Variants in PTGIR observed in about 807,000 individuals in gnomAD.
The protein encoded by PTGIR is prostacyclin receptor.
Under a neutral mutation model 17.6 loss-of-function variants are expected in PTGIR, and 16 were observed. The observed-to-expected ratio is 0.91, with a 90% CI of 0.61 to 1.38. The LOEUF (loss-of-function observed/expected upper bound fraction) is 1.38, where lower values mean the gene tolerates loss of function less well. PTGIR is among the 40% of genes most tolerant of loss of function. The pLI is 0.00. For missense variants in PTGIR, 532 were observed against 548.6 expected (o/e 0.97, Z 0.30); for synonymous variants, 274 against 255.4 (o/e 1.07, Z -0.69).
downstream of PTGIR, among the ~76,000 whole-genome samples, chr19:46,618,306 G>A (rs1366826528): frequency 2.0e-5 from 3 of 152,056 alleles, no homozygotes; most frequent in Non-Finnish European, 4.4e-5. Context: ...GAGCCACTGC[G>A]CCCGGCCTAA....
At position 46,623,853 on chromosome 19, in the gene PTGIR, AG is replaced by A; in HGVS notation, c.372del (p.Tyr125ThrfsTer114). The A allele has an allele frequency of 1.2e-6, 2 of 1,609,894 alleles. No homozygotes were observed. The highest frequency in any genetic ancestry group is 1.1e-5 in the South Asian group (1 of 90,706). On this transcript the variant is annotated frameshift_variant, in exon 2 of 3. Coordinates refer to ENST00000291294, the MANE Select transcript of PTGIR (RefSeq NM_000960.4). LOFTEE classifies it high-confidence loss of function. ...AVERCLALSH[P>X]YLYAQLDGPR... is the part of the protein sequence containing the mutation. ...GGCCCGTCCAGCTGCGCGTAGAGGT[AG>A]GGGTGGCTCAGCGCCAGGCAGCGCT...
chr19:46,622,591 G>A, intron 2 of PTGIR: 1 of 167,028 alleles, frequency 6.0e-6, no homozygotes, highest in East Asian at 1.9e-4. Flanking sequence ...GGGGGGCTCA[G>A]GATGCCTAAG....
downstream of PTGIR, among the ~76,000 whole-genome samples, chr19:46,617,371 G>A (rs1287157051): frequency 6.6e-6 from 1 of 152,216 alleles, no homozygotes. Context: ...AAGGGTGGAT[G>A]GGGGGCATTG....
At chr19:46,619,513 GAA>G (rs1972010156), downstream of PTGIR, among the ~76,000 whole-genome samples, 2 of 50,492 alleles carry the variant, frequency 4.0e-5, no homozygotes, top group Non-Finnish European at 7.7e-5. Flanking sequence ...AAGAAAGAAA[GAA>G]AGAAAGAAAG....
rs1168675238 is a variant in PTGIR, at chr19:46,624,185, G to A, written c.41C>T (p.Ser14Leu). The A allele has an allele frequency of 4.7e-6, 7 of 1,483,596 alleles. No homozygotes were observed. The African/African-American group carries it at 5.7e-5, about 12-fold the overall frequency. 91.9% of individuals were successfully genotyped at this position (1,483,596 alleles called of 1,614,324 possible). The change falls in exon 2 of 3, where the codon TCG (serine) becomes TTG (leucine). Residue 14 changes from serine (S) to leucine (L), a missense_variant. Ser to Leu is a moderately radical substitution (Grantham distance 145). Coordinates refer to ENST00000291294, the MANE Select transcript of PTGIR (RefSeq NM_000960.4). ...CAGGGTGCTGGTGGCCGGCCCCACC[G>A]AGCCCCGCACGTAGGTGAGGTTCCT... is the stretch of plus-strand genomic sequence containing the variant. Reference protein sequence around the residue: ...SCRNLTYVRGSVGPATSTLMF... With the variant: ...SCRNLTYVRGLVGPATSTLMF...
rs2052738074 is a variant in PTGIR at position 46,622,247 on chromosome 19, G to A, written c.769-575C>T. ...CAGGACGGGGTCCCCGCAGGAAACCGAGGTGCAGAGGCAAGGGTGGGGCCT... is the reference window on the plus strand; with the variant it reads ...CAGGACGGGGTCCCCGCAGGAAACCAAGGTGCAGAGGCAAGGGTGGGGCCT... On this transcript the variant is annotated intron_variant, in intron 2 of 2. Transcript: ENST00000291294. 8 of 985,426 alleles carry A rather than the reference G, an allele frequency of 8.1e-6. No individual in the cohort carries two copies. In the South Asian group the frequency reaches 1.4e-4, roughly 17 times the overall value. 61.0% of individuals were successfully genotyped at this position (985,426 alleles called of 1,614,324 possible). A position where few individuals can be genotyped will look rare whatever the true frequency, so the allele number is the denominator to read the frequency against.
rs1410651904 is a variant in PTGIR, at chr19:46,621,682, G to A, written c.769-10C>T. ...GGGTGAAGCAGCGGATCTGAGGGCAGGGTGAGGGCGTCAAGGAGCACCCAG... is the reference window on the plus strand; with the variant it reads ...GGGTGAAGCAGCGGATCTGAGGGCAAGGTGAGGGCGTCAAGGAGCACCCAG... On this transcript the variant is annotated splice_polypyrimidine_tract_variant and intron_variant, in intron 2 of 2. Coordinates refer to ENST00000291294, the MANE Select transcript of PTGIR (RefSeq NM_000960.4). This position sits in a 1 kb window ranked among gnomAD's most constrained non-coding sequence, Gnocchi z 4.8. 6.2e-7 allele frequency: 1 copy of A among 1,606,150 alleles called. No homozygotes were observed. Among genetic ancestry groups the A allele is most frequent in the Non-Finnish European group, 8.5e-7 (1 of 1,175,760 alleles).
chr19:46,619,906 G>T (rs1249260875), downstream of PTGIR, among the ~76,000 whole-genome samples: 8 of 151,998 alleles, frequency 5.3e-5, no homozygotes, highest in Admixed American at 2.6e-4. Flanking sequence ...CACCCTAAAC[G>T]CCTACTCACT....
In PTGIR at chr19:46,623,751, C is replaced by T; in HGVS notation, c.475G>A (p.Gly159Ser). The change falls in exon 2 of 3, where the codon GGC becomes AGC. Residue 159 changes from glycine (G) to serine (S), a missense_variant. Gly to Ser is a moderately conservative substitution (Grantham distance 56). Transcript: ENST00000291294. ...LFCALPLLGLGQHQQYCPGSW... is the reference protein window; with the variant it reads ...LFCALPLLGLSQHQQYCPGSW... ...CCGGGGCAGTACTGCTGGTGTTGGC[C>T]CAGGCCCAGCAGGGGCAGCGCGCAG... The T allele has an allele frequency of 6.2e-7, 1 of 1,600,116 alleles. No individual in the cohort carries two copies. The highest frequency in any genetic ancestry group is 8.5e-7 in the Non-Finnish European group (1 of 1,176,262).
intron 2 of PTGIR, chr19:46,622,347 C>T (rs757816378): frequency 1.4e-4 from 135 of 984,464 alleles, no homozygotes; most frequent in Non-Finnish European, 1.5e-4. Context: ...CAGGACCTGG[C>T]TCTGTGTGAC....
chr19:46,617,549 A>T (rs182483164), downstream of PTGIR, among the ~76,000 whole-genome samples: 1 of 152,190 alleles, frequency 6.6e-6, no homozygotes, highest in African/African-American at 2.4e-5. Context: ...CATCTGAAAA[A>T]TGGGAATGAG....
At position 46,623,487 on chromosome 19, in the gene PTGIR, C is replaced by A; in HGVS notation, c.739G>T (p.Val247Phe). ...HLILLALMTV[V>F]MAVCSLPLTI... Reference sequence around the variant, plus strand: ...AGAGGCAGGGAGCACACGGCCATGACCACTGTCATGAGGGCCAGCAGGATC... The same window carrying A: ...AGAGGCAGGGAGCACACGGCCATGAACACTGTCATGAGGGCCAGCAGGATC... Residue 247 changes from valine (V) to phenylalanine (F), a missense_variant, in exon 2 of 3, where the codon GTC becomes TTC. By Grantham distance (50) the Val-to-Phe change is conservative (BLOSUM62 -1). Coordinates refer to ENST00000291294, the MANE Select transcript of PTGIR (RefSeq NM_000960.4). 6.3e-7 allele frequency: 1 copy of A among 1,579,312 alleles called. No homozygotes were observed.
downstream of PTGIR, among the ~76,000 whole-genome samples, chr19:46,618,125 C>G (rs1311786886): frequency 1.3e-5 from 2 of 151,482 alleles, no homozygotes; most frequent in Middle Eastern, 3.4e-3. Flanking sequence ...CACCATTCTC[C>G]TGCCTCAGCC....
the PTGIR span, among the ~76,000 whole-genome samples, chr19:46,611,276 C>T: frequency 2.0e-5 from 3 of 152,198 alleles, no homozygotes; most frequent in African/African-American, 4.8e-5. Context: ...GGGTGAGAGC[C>T]CCGAGCAGCT....
the PTGIR span, among the ~76,000 whole-genome samples, chr19:46,613,096 T>G: frequency 7.7e-6 from 1 of 130,600 alleles, no homozygotes. Context: ...CAGGCTGGAG[T>G]GCAATGGCAT....
At chr19:46,612,737 G>A in the PTGIR span, among the ~76,000 whole-genome samples, 1 of 152,276 alleles carries the variant, frequency 6.6e-6, no homozygotes, top group South Asian at 2.1e-4. Context: ...TGAAATGGGA[G>A]CTGCCCCCTT....
chr19:46,613,900 T>G, the PTGIR span, among the ~76,000 whole-genome samples: 1 of 152,200 alleles, frequency 6.6e-6, no homozygotes, highest in African/African-American at 2.4e-5. Context: ...TACCCATGCT[T>G]CTCAGCGGCC....
At chr19:46,622,980 ATTT>A (rs201900456) in intron 2 of PTGIR, 3 of 113,310 alleles carry the variant, frequency 2.6e-5, no homozygotes, top group Non-Finnish European at 3.6e-5. Flanking sequence ...TTTTTTTCTT[ATTT>A]TTTTTTTTTT....
At chr19:46,617,925 G>A (rs540343900), downstream of PTGIR, among the ~76,000 whole-genome samples, 14 of 147,310 alleles carry the variant, frequency 9.5e-5, no homozygotes, top group South Asian at 2.6e-3. Flanking sequence ...TGCAACCTCC[G>A]CCTCCCAGGT....
Sources: gnomAD v4.1 joint callset for allele counts (sites outside exome capture counted in the v4.1 genomes callset) on GRCh38, gnomAD v4.1.1 for gene constraint, Gnocchi (gnomAD v3.1) non-coding constraint, MANE v1.5 for transcripts, NCBI Gene and HGNC (gene_info 2026-07-23, HGNC 2026-07-21) for gene names.